SGCZ: variants seen among roughly 807,000 people sequenced by gnomAD.
The protein encoded by SGCZ is zeta-sarcoglycan.
Under a neutral mutation model 41.3 loss-of-function variants are expected in SGCZ, and 40 were observed. The ratio of observed to expected loss-of-function variants is 0.97; its 90% confidence interval spans 0.75 to 1.26. The LOEUF is 1.26. SGCZ is among the 50% of genes most tolerant of loss of function. The pLI is 0.00. For synonymous variants in SGCZ, 206 were observed against 137.5 expected (o/e 1.50, Z -3.49); for missense variants, 552 against 369.8 (o/e 1.49, Z -4.04).
intron 2 of SGCZ, among the ~76,000 whole-genome samples, chr8:14,544,759 A>T (rs1429441600): frequency 6.6e-6 from 1 of 152,180 alleles, no homozygotes; most frequent in East Asian, 1.9e-4. Flanking sequence ...TTATCAAGAC[A>T]ATACGTGCAC....
chr8:14,220,067 G>A (rs1441045250), intron 4 of SGCZ, among the ~76,000 whole-genome samples: 1 of 152,134 alleles, frequency 6.6e-6, no homozygotes. Context: ...GTCCAAAAAT[G>A]CAATTACTAT....
intron 2 of SGCZ, among the ~76,000 whole-genome samples, chr8:14,540,230 T>A (rs1228964211): frequency 2.1e-5 from 3 of 146,298 alleles, no homozygotes; most frequent in African/African-American, 7.6e-5. Flanking sequence ...ATTTTTTTTT[T>A]TTTTTTTTTT....
chr8:14,889,311 T>A (rs1166537604), intron 1 of SGCZ, among the ~76,000 whole-genome samples: 1 of 151,904 alleles, frequency 6.6e-6, no homozygotes, highest in East Asian at 1.9e-4. Context: ...AAAATGTAGA[T>A]AGATAAAAAT....
intron 1 of SGCZ, among the ~76,000 whole-genome samples, chr8:14,617,335 G>A (rs553371551): frequency 3.3e-5 from 5 of 152,148 alleles, no homozygotes; most frequent in African/African-American, 9.6e-5. Context: ...GGGTCCCTGG[G>A]AACATAAATA....
At chr8:14,383,293 T>A (rs1447422191) in intron 2 of SGCZ, among the ~76,000 whole-genome samples, 1 of 152,220 alleles carries the variant, frequency 6.6e-6, no homozygotes, top group African/African-American at 2.4e-5. Context: ...ATAAGAGACA[T>A]TTTGCTAAAT....
chr8:14,403,856 A>G lies in SGCZ; in HGVS notation c.235-79652T>C, dbSNP rs1217044528. Among the ~76,000 whole-genome samples the G allele has an allele frequency of 2.0e-5, 3 of 151,136 alleles. No individual in the cohort carries two copies. In the East Asian group the frequency reaches 5.8e-4, roughly 29 times the overall value. On this transcript the variant is annotated intron_variant, in intron 2 of 7. Coordinates refer to ENST00000382080, the MANE Select transcript of SGCZ (RefSeq NM_139167.4). ...AAACTCTGTTAAGGCTGTTAACTAT[A>G]TATTTTTTATTTCTCAGAGCTTTAA...
intron 1 of SGCZ, among the ~76,000 whole-genome samples, chr8:14,898,878 G>A (rs1243447335): frequency 6.6e-6 from 1 of 152,172 alleles, no homozygotes; most frequent in Non-Finnish European, 1.5e-5. Flanking sequence ...TTGAATAACT[G>A]AGCTGGGGTT....
At chr8:14,755,339 G>C (rs1421393732) in intron 1 of SGCZ, among the ~76,000 whole-genome samples, 2 of 151,844 alleles carry the variant, frequency 1.3e-5, no homozygotes, top group Non-Finnish European at 2.9e-5. Flanking sequence ...TGTTGTTATT[G>C]AACACATTAG....
At chr8:14,788,032 A>T (rs28526652) in intron 1 of SGCZ, among the ~76,000 whole-genome samples, 10,283 of 152,178 alleles carry the variant, frequency 0.068, 1,111 homozygotes, top group African/African-American at 0.23. Flanking sequence ...TTTTTATTCC[A>T]AAAATGTTGC....
intron 3 of SGCZ, among the ~76,000 whole-genome samples, chr8:14,246,513 G>A (rs1449799074): frequency 6.6e-6 from 1 of 151,608 alleles, no homozygotes; most frequent in Non-Finnish European, 1.5e-5. Flanking sequence ...GAGTTAATGG[G>A]TGCAGCACAC....
At chr8:14,518,679 T>C (rs17119602) in intron 2 of SGCZ, among the ~76,000 whole-genome samples, 5,482 of 151,896 alleles carry the variant, frequency 0.036, 300 homozygotes, top group African/African-American at 0.12. Flanking sequence ...TATAAGAAAA[T>C]AGAACGTTAT....
At chr8:14,752,132 C>CAAAAAAAAAAAAAA (rs56243371) in intron 1 of SGCZ, among the ~76,000 whole-genome samples, 1 of 117,792 alleles carries the variant, frequency 8.5e-6, no homozygotes, top group African/African-American at 3.3e-5. Context: ...ACAAAAAAGC[C>CAAAAAAAAAAAAAA]AAAAAAAAAA....
intron 1 of SGCZ, among the ~76,000 whole-genome samples, chr8:14,819,681 A>C (rs1304397279): frequency 6.6e-6 from 1 of 152,160 alleles, no homozygotes; most frequent in Non-Finnish European, 1.5e-5. Flanking sequence ...GTGGCTAAGG[A>C]ACACACAACA....
Position 14,310,106 on chromosome 8 carries a change from A to C in SGCZ, c.336+13997T>G, listed in dbSNP as rs111809317. Among the ~76,000 whole-genome samples, 20 of 152,078 alleles carry C rather than the reference A, an allele frequency of 1.3e-4. No individual in the cohort carries two copies. In the South Asian group the frequency reaches 4.1e-3, roughly 31 times the overall value. ...TTGCTGGTTTGAAAGATTATGATGC[A>C]TACAGTTTTCTAGCAATTTTCTTTG... On this transcript the variant is annotated intron_variant, in intron 3 of 7. Coordinates refer to ENST00000382080, the MANE Select transcript of SGCZ (RefSeq NM_139167.4).
chr8:14,157,357 T>TGTGA (rs1409341595), intron 5 of SGCZ, among the ~76,000 whole-genome samples: 252 of 142,498 alleles, frequency 1.8e-3, no homozygotes, highest in Non-Finnish European at 2.9e-3. Flanking sequence ...TGTGTGTGTG[T>TGTGA]GTGTGTGAGT....
intron 2 of SGCZ, among the ~76,000 whole-genome samples, chr8:14,487,260 T>A (rs945958382): frequency 6.6e-6 from 1 of 152,226 alleles, no homozygotes; most frequent in African/African-American, 2.4e-5. Flanking sequence ...TTATTTTTAT[T>A]GGTACTCTAA....
chr8:14,742,115 C>A (rs1585223938), intron 1 of SGCZ, among the ~76,000 whole-genome samples: 6 of 151,908 alleles, frequency 3.9e-5, no homozygotes, highest in Admixed American at 3.9e-4. Flanking sequence ...TATAAATATT[C>A]ATATATTCTA....
At position 15,237,612 on chromosome 8, in the gene SGCZ, T is replaced by A. The variant is rs1333324819; in HGVS notation, c.12A>T (p.Ser4=). Residue 4 remains serine, a synonymous_variant, in exon 1 of 8, where the codon TCA becomes TCT. Coordinates refer to ENST00000382080, the MANE Select transcript of SGCZ (RefSeq NM_139167.4). ...TGAGCTCCTCAATGTCCAGGTTCGTTGATCTGTCCATGGAGCGCAACTAAA... is the reference window on the plus strand; with the variant it reads ...TGAGCTCCTCAATGTCCAGGTTCGTAGATCTGTCCATGGAGCGCAACTAAA... MDR[S]TNLDIEELKM... is the part of the protein sequence containing the mutation. 2 of 1,588,500 alleles carry A rather than the reference T, an allele frequency of 1.3e-6. No homozygotes were observed. The highest frequency in any genetic ancestry group is 2.7e-5 in the African/African-American group (2 of 74,382).
intron 1 of SGCZ, among the ~76,000 whole-genome samples, chr8:14,781,646 T>C (rs2130436001): frequency 6.6e-6 from 1 of 152,334 alleles, no homozygotes; most frequent in Non-Finnish European, 1.5e-5. Flanking sequence ...ATATAGCAAC[T>C]AGTTGCTACA....
Sources: allele counts gnomAD v4.1 joint callset (sites outside exome capture counted in the v4.1 genomes callset), GRCh38; gene constraint gnomAD v4.1.1; transcripts MANE v1.5; gene names NCBI Gene and HGNC (gene_info 2026-07-23, HGNC 2026-07-21).